Variants in COL11A1 observed in about 807,000 individuals in gnomAD.
The protein encoded by COL11A1 is collagen alpha-1(XI) chain.
In COL11A1, 74 loss-of-function variants were observed where a neutral mutation model predicts 265.2. The observed-to-expected ratio is 0.28, with a 90% CI of 0.23 to 0.34. The LOEUF (loss-of-function observed/expected upper bound fraction) is 0.34, where lower values mean the gene tolerates loss of function less well. Among genes scored for constraint, COL11A1 ranks in the 10% least tolerant of loss-of-function variants. The pLI, the probability that COL11A1 is intolerant of heterozygous loss-of-function variation, is 1.00. For synonymous variants in COL11A1, 816 were observed against 727.6 expected, an observed-to-expected ratio of 1.12 and a Z score of -1.96; for missense variants, 2,165 against 2,263.6, an observed-to-expected ratio of 0.96 and a Z score of 0.88.
intron 41 of COL11A1, among the ~76,000 whole-genome samples, chr1:102,961,494 T>C (rs1240611549): frequency 6.6e-6 from 1 of 152,242 alleles, no homozygotes; most frequent in African/African-American, 2.4e-5. Context: ...AATCAAATCT[T>C]ATTTTATAAG....
chr1:102,956,276 C>T (rs1660364864), intron 41 of COL11A1, among the ~76,000 whole-genome samples: 1 of 152,036 alleles, frequency 6.6e-6, no homozygotes, highest in Non-Finnish European at 1.5e-5. Flanking sequence ...TTGTTCTCAC[C>T]TTTGTGTTTT....
At chr1:102,905,536 T>G (rs1393395756) in intron 54 of COL11A1, among the ~76,000 whole-genome samples, 1 of 148,194 alleles carries the variant, frequency 6.7e-6, no homozygotes, top group Non-Finnish European at 1.5e-5. Flanking sequence ...AAAAAAGTGC[T>G]GGGATCGTGG....
rs2101304198 is a variant in COL11A1 at position 102,940,351 on chromosome 1, G to A, written c.3360C>T (p.Gly1120=). Residue 1120 remains glycine, a synonymous_variant, in exon 43 of 67, where the codon GGC becomes GGT. Transcript: ENST00000370096. ...VGLPGPAGPA[G]SPGEDGDKGE... ...CCTTGTCTCCGTCTTCCCCAGGGGA[G>A]CCGGCAGGACCAGCTGGCCCTGGGA... 1.9e-6 allele frequency: 3 copies of A among 1,613,864 alleles called. No individual in the cohort carries two copies. Among genetic ancestry groups the A allele is most frequent in the Non-Finnish European group, 2.5e-6 (3 of 1,179,858 alleles).
intron 56 of COL11A1, 53 bp downstream of exon 56, chr1:102,898,613 T>G (rs887865355): frequency 6.7e-6 from 10 of 1,495,044 alleles, no homozygotes; most frequent in Non-Finnish European, 9.2e-6. Context: ...CAAAATTTTT[T>G]TAAAATAAAA....
rs956767620 is a variant in COL11A1 at position 102,877,925 on chromosome 1, T to C, written c.*94A>G. ...CCTGTATATGCAGCGTTGTTTTCTA[T>C]ACCATCCTTATTCAAAACTTGCATG... On this transcript the variant is annotated 3_prime_UTR_variant, in exon 67 of 67. Transcript: ENST00000370096. The C allele has an allele frequency of 3.5e-5, 46 of 1,326,704 alleles. No individual in the cohort carries two copies. The highest frequency in any genetic ancestry group is 5.1e-5 in the Admixed American group (3 of 59,184). The allele number at this position is 1,326,704 out of a possible 1,614,324, so 82.2% of individuals were successfully genotyped here.
rs1451770546 is a variant in COL11A1 at position 102,881,691 on chromosome 1, A to G, written c.5040+6T>C. 6.2e-7 allele frequency: 1 copy of G among 1,608,946 alleles called. No individual in the cohort carries two copies. Among genetic ancestry groups the G allele is most frequent in the Non-Finnish European group, 8.5e-7 (1 of 1,175,906 alleles). Reference sequence around the variant, plus strand: ...AAAATCGTTTCATGTTGAGGTAATAACATACCAGTTTTCCCCTCTTAAATT... The same window carrying G: ...AAAATCGTTTCATGTTGAGGTAATAGCATACCAGTTTTCCCCTCTTAAATT... On this transcript the variant is annotated splice_donor_region_variant and intron_variant, in intron 65 of 66. Transcript: ENST00000370096.
At chr1:103,047,812 AG>A (rs1273055322) in intron 4 of COL11A1, among the ~76,000 whole-genome samples, 5 of 152,268 alleles carry the variant, frequency 3.3e-5, no homozygotes, top group African/African-American at 4.8e-5. Flanking sequence ...TTTAGCATGA[AG>A]GGTTGTTGAA....
rs370481665 is a variant in COL11A1 at position 102,998,300 on chromosome 1, T to C, written c.2196+10A>G. On this transcript the variant is annotated intron_variant, in intron 25 of 66. Coordinates refer to ENST00000370096, the MANE Select transcript of COL11A1 (RefSeq NM_001854.4). The stretch of plus-strand genomic sequence containing the variant: ...AAAGAAATTTTAATGACCAGGTAGC[T>C]GTTACTTACAGGAGGCCCATCAGCA... The C allele has an allele frequency of 2.5e-6, 4 of 1,605,002 alleles. No homozygotes were observed. In the African/African-American group the frequency reaches 4.0e-5, roughly 16 times the overall value.
At chr1:102,927,256 T>C (rs1237880556) in intron 46 of COL11A1, among the ~76,000 whole-genome samples, 5 of 152,136 alleles carry the variant, frequency 3.3e-5, no homozygotes, top group African/African-American at 4.8e-5. Flanking sequence ...ATACAAATAA[T>C]ATACCATAAG....
Position 103,049,623 on chromosome 1 carries a change from T to G in COL11A1, c.652-18379A>C, listed in dbSNP as rs530882031. Among the ~76,000 whole-genome samples the G allele has an allele frequency of 7.0e-4, 107 of 152,340 alleles. 1 individual carries two copies. The highest frequency in any genetic ancestry group is 2.4e-3 in the African/African-American group (100 of 41,586). On this transcript the variant is annotated intron_variant, in intron 4 of 66. Transcript: ENST00000370096. ...CATTCAAAGTTAATATCGTTATGTG[T>G]TAATTTGATCCTGCCATTATGATGT...
chr1:103,029,142 T>C (rs369953098), intron 5 of COL11A1, among the ~76,000 whole-genome samples: 11 of 152,078 alleles, frequency 7.2e-5, no homozygotes, highest in East Asian at 5.8e-4. Flanking sequence ...ACTTAGAGGA[T>C]ACTAAGTAGA....
At chr1:102,998,218 C>A in intron 25 of COL11A1, 92 bp downstream of exon 25, 1 of 1,043,548 alleles carries the variant, frequency 9.6e-7, no homozygotes, top group African/African-American at 1.6e-5. Context: ...ATTTTTATTA[C>A]TAACCTCATA....
chr1:102,881,992 T>C (rs1650304816), intron 64 of COL11A1, among the ~76,000 whole-genome samples: 1 of 152,166 alleles, frequency 6.6e-6, no homozygotes, highest in Non-Finnish European at 1.5e-5. Context: ...CTTTTTGTTG[T>C]CTTTATCAGC....
chr1:103,022,914 G>T lies in COL11A1; in HGVS notation c.1073C>A (p.Thr358Lys). Residue 358 changes from threonine (T) to lysine (K), a missense_variant, in exon 8 of 67, where the codon ACA (threonine) becomes AAA (lysine). Physicochemically the swap from Thr to Lys is moderately conservative, Grantham distance 78. Coordinates refer to ENST00000370096, the MANE Select transcript of COL11A1 (RefSeq NM_001854.4). ...GTCTATTTCTTTGTTTTCATATAGT[G>T]TATCCTCAGAATTTTTCCTCTGGGA... ...YDSQRKNSEDTLYENKEIDGR... is the reference protein window; with the variant it reads ...YDSQRKNSEDKLYENKEIDGR... 6.2e-7 allele frequency: 1 copy of T among 1,613,642 alleles called. No homozygotes were observed. The highest frequency in any genetic ancestry group is 8.5e-7 in the Non-Finnish European group (1 of 1,179,828).
chr1:102,959,494 C>G (rs1660687693), intron 41 of COL11A1, among the ~76,000 whole-genome samples: 1 of 152,192 alleles, frequency 6.6e-6, no homozygotes, highest in African/African-American at 2.4e-5. Flanking sequence ...TTTATATTCT[C>G]TTTCTACCTC....
chr1:103,008,375 A>T, intron 15 of COL11A1, 88 bp downstream of exon 15: 1 of 1,126,418 alleles, frequency 8.9e-7, no homozygotes, highest in East Asian at 2.5e-5. Flanking sequence ...GGAACAAAAA[A>T]AAAATTAACT....
intron 41 of COL11A1, among the ~76,000 whole-genome samples, chr1:102,947,710 C>T (rs914122284): frequency 1.3e-5 from 2 of 151,710 alleles, no homozygotes; most frequent in Non-Finnish European, 2.9e-5. Context: ...CACATGGATA[C>T]TGCTTTTATA....
intron 4 of COL11A1, among the ~76,000 whole-genome samples, chr1:103,049,275 G>A (rs1007483581): frequency 8.5e-5 from 13 of 152,268 alleles, no homozygotes; most frequent in African/African-American, 3.1e-4. Context: ...TTATGAATCT[G>A]GGTGCTCCTG....
At chr1:103,015,157 G>A (rs984448216) in intron 12 of COL11A1, among the ~76,000 whole-genome samples, 1 of 151,742 alleles carries the variant, frequency 6.6e-6, no homozygotes, top group Non-Finnish European at 1.5e-5. Flanking sequence ...TTCATTCTAA[G>A]TAATTATTTC....
Sources: allele counts gnomAD v4.1 joint callset (sites outside exome capture counted in the v4.1 genomes callset), GRCh38; gene constraint gnomAD v4.1.1; transcripts MANE v1.5; gene names NCBI Gene and HGNC (gene_info 2026-07-23, HGNC 2026-07-21).